Variants in ADCY8 observed in about 807,000 individuals in gnomAD.
The protein encoded by ADCY8 is adenylate cyclase type 8.
In ADCY8, 51 loss-of-function variants were observed where a neutral mutation model predicts 119.7. That is an observed-to-expected ratio of 0.43 (90% CI 0.34 to 0.54). ADCY8 has a LOEUF of 0.54. Ranked by LOEUF, ADCY8 falls within the 20% of genes least tolerant of loss-of-function variation. The pLI is 0.03. For synonymous variants in ADCY8, 665 were observed against 651.0 expected (o/e 1.02, Z -0.33); for missense variants, 1,383 against 1,598.8 (o/e 0.87, Z 2.30).
chr8:131,014,556 A>G (rs1194600434), intron 1 of ADCY8, among the ~76,000 whole-genome samples: 1 of 152,152 alleles, frequency 6.6e-6, no homozygotes, highest in African/African-American at 2.4e-5. Flanking sequence ...ATTGATAACT[A>G]CCTTCCAGTA....
intron 5 of ADCY8, among the ~76,000 whole-genome samples, chr8:130,921,165 G>C (rs180788928): frequency 1.3e-5 from 2 of 152,150 alleles, no homozygotes; most frequent in Admixed American, 1.3e-4. Context: ...AAAAAATATA[G>C]TAAAGAATAA....
chr8:130,970,787 C>T (rs971795544), intron 2 of ADCY8, among the ~76,000 whole-genome samples: 4 of 152,132 alleles, frequency 2.6e-5, no homozygotes, highest in Non-Finnish European at 5.9e-5. Context: ...TGCAGAATGG[C>T]TTATAGAAAA....
chr8:130,805,502 G>A (rs939703404), intron 14 of ADCY8, among the ~76,000 whole-genome samples: 1 of 152,204 alleles, frequency 6.6e-6, no homozygotes, highest in African/African-American at 2.4e-5. Context: ...TATGACCTGA[G>A]TTCAGATCTT....
intron 3 of ADCY8, among the ~76,000 whole-genome samples, chr8:130,944,691 G>A (rs971083730): frequency 6.6e-6 from 1 of 152,016 alleles, no homozygotes; most frequent in Non-Finnish European, 1.5e-5. Context: ...TCACTTAAAG[G>A]GATTTTTACC....
chr8:130,912,670 T>C (rs1820017270), intron 5 of ADCY8, among the ~76,000 whole-genome samples: 1 of 152,208 alleles, frequency 6.6e-6, no homozygotes, highest in Non-Finnish European at 1.5e-5. Context: ...AATATGGAAA[T>C]ATTGTAATAA....
At chr8:130,865,966 T>C (rs1563700478) in intron 9 of ADCY8, among the ~76,000 whole-genome samples, 1 of 152,178 alleles carries the variant, frequency 6.6e-6, no homozygotes, top group Admixed American at 6.6e-5. Flanking sequence ...CTCACAGCAC[T>C]TCTCAGTGCA....
intron 1 of ADCY8, among the ~76,000 whole-genome samples, chr8:131,000,028 A>G (rs1822894795): frequency 1.3e-5 from 2 of 152,358 alleles, no homozygotes; most frequent in East Asian, 3.9e-4. Context: ...TTGAGTTTAT[A>G]TTAAGTGCAG....
At chr8:130,925,406 T>C (rs185378060) in intron 5 of ADCY8, among the ~76,000 whole-genome samples, 31 of 152,300 alleles carry the variant, frequency 2.0e-4, no homozygotes, top group African/African-American at 7.0e-4. Flanking sequence ...GCATGCTACC[T>C]ATTTGAATTT....
intron 9 of ADCY8, among the ~76,000 whole-genome samples, chr8:130,854,683 G>A (rs1029394826): frequency 1.3e-5 from 2 of 152,124 alleles, no homozygotes; most frequent in East Asian, 1.9e-4. Flanking sequence ...TTGGCAAGTG[G>A]GCATTATCAT....
intron 2 of ADCY8, among the ~76,000 whole-genome samples, chr8:130,989,174 CAT>C (rs1257022553): frequency 2.0e-5 from 3 of 152,288 alleles, no homozygotes; most frequent in South Asian, 2.1e-4. Context: ...TAGGCAATAA[CAT>C]AGAAATTCCT....
chr8:130,871,833 C>T lies in ADCY8; in HGVS notation c.2110-3887G>A, dbSNP rs181752318. Among the ~76,000 whole-genome samples the T allele has an allele frequency of 6.8e-3, 1,042 of 152,234 alleles. 13 individuals are homozygous for T. The highest frequency in any genetic ancestry group is 0.024 in the African/African-American group (1,001 of 41,520). ...TTGCTTCTTGAAAGATTACCCACCA[C>T]CGGGTAGAATTCTTAACTTTTCTAG... is the stretch of plus-strand genomic sequence containing the variant. On this transcript the variant is annotated intron_variant, in intron 8 of 17. Coordinates refer to ENST00000286355, the MANE Select transcript of ADCY8 (RefSeq NM_001115.3).
chr8:131,013,572 C>G (rs1454380489), intron 1 of ADCY8, among the ~76,000 whole-genome samples: 1 of 152,168 alleles, frequency 6.6e-6, no homozygotes, highest in African/African-American at 2.4e-5. Context: ...TTGCCAACTT[C>G]CCCCACCATC....
chr8:130,816,677 T>C (rs971053508), intron 13 of ADCY8, among the ~76,000 whole-genome samples: 2 of 152,014 alleles, frequency 1.3e-5, no homozygotes, highest in African/African-American at 2.4e-5. Context: ...CACCTGCCTC[T>C]GCCTCCCAAA....
intron 9 of ADCY8, among the ~76,000 whole-genome samples, chr8:130,855,181 A>G (rs1415801283): frequency 6.6e-6 from 1 of 150,728 alleles, no homozygotes; most frequent in Non-Finnish European, 1.5e-5. Flanking sequence ...CTGTGGTCAT[A>G]TGAGTAGAAA....
rs115550200 is a variant in ADCY8 at position 130,869,285 on chromosome 8, T to A, written c.2110-1339A>T. ...CACTTTAAGCCATCCTCAACCCTGA[T>A]AAAACCACAGAAAGCCCATATTATT... On this transcript the variant is annotated intron_variant, in intron 8 of 17. Coordinates refer to ENST00000286355, the MANE Select transcript of ADCY8 (RefSeq NM_001115.3). 9.0e-3 allele frequency among the ~76,000 whole-genome samples: 1,376 copies of A among 152,170 alleles called. 30 individuals carry two copies. Among genetic ancestry groups the A allele is most frequent in the African/African-American group, 0.03 (1,245 of 41,510 alleles).
intron 2 of ADCY8, among the ~76,000 whole-genome samples, chr8:130,953,566 G>T (rs1821338719): frequency 6.6e-6 from 1 of 152,132 alleles, no homozygotes; most frequent in South Asian, 2.1e-4. Context: ...GATGGGAAAA[G>T]TCTTGGATTG....
intron 5 of ADCY8, among the ~76,000 whole-genome samples, chr8:130,933,673 A>G (rs534226779): frequency 6.6e-6 from 1 of 152,358 alleles, no homozygotes; most frequent in African/African-American, 2.4e-5. Context: ...TCACTGTTCA[A>G]TTTCAAAACT....
chr8:130,911,864 T>C lies in ADCY8; in HGVS notation c.1482-1998A>G, dbSNP rs1819992140. Among the ~76,000 whole-genome samples the C allele has an allele frequency of 2.0e-5, 3 of 152,078 alleles. No individual in the cohort carries two copies. The South Asian group carries it at 6.2e-4, about 32-fold the overall frequency. Reference sequence around the variant, plus strand: ...ATAGGGGATCAAAATATTTAGATACTACTGGTCTATAAGATACAATGGAAA... The same window carrying C: ...ATAGGGGATCAAAATATTTAGATACCACTGGTCTATAAGATACAATGGAAA... On this transcript the variant is annotated intron_variant, in intron 5 of 17. Transcript: ENST00000286355.
intron 2 of ADCY8, among the ~76,000 whole-genome samples, chr8:130,988,122 A>G (rs912221123): frequency 6.6e-6 from 1 of 152,210 alleles, no homozygotes; most frequent in Non-Finnish European, 1.5e-5. Context: ...AGTAAGTAAA[A>G]ATTACTAATC....
Sources: allele counts gnomAD v4.1 joint callset (sites outside exome capture counted in the v4.1 genomes callset), GRCh38; gene constraint gnomAD v4.1.1; transcripts MANE v1.5; gene names NCBI Gene and HGNC (gene_info 2026-07-23, HGNC 2026-07-21).